CHST11: variants seen among roughly 807,000 people sequenced by gnomAD.
The protein encoded by CHST11 is carbohydrate sulfotransferase 11, also known as C4S-1.
In CHST11, 9 loss-of-function variants were observed where a neutral mutation model predicts 30.4. That is an observed-to-expected ratio of 0.30 (90% confidence interval 0.18 to 0.52). The LOEUF is 0.52. Ranked by LOEUF, CHST11 falls within the 20% of genes least tolerant of loss-of-function variation. The pLI is 0.97. For synonymous variants in CHST11, 152 were observed against 187.8 expected (o/e 0.81, Z 1.56); for missense variants, 348 against 460.6 (o/e 0.76, Z 2.24).
At chr12:104,710,496 C>T (rs2040078162) in intron 2 of CHST11, among the ~76,000 whole-genome samples, 1 of 152,154 alleles carries the variant, frequency 6.6e-6, no homozygotes, top group African/African-American at 2.4e-5. Flanking sequence ...GGAAATCCAT[C>T]CTATACCCTT....
At chr12:104,621,917 A>G (rs1042518156) in intron 2 of CHST11, among the ~76,000 whole-genome samples, 9 of 152,222 alleles carry the variant, frequency 5.9e-5, no homozygotes, top group Admixed American at 1.3e-4. Context: ...GACATCAGGT[A>G]AGCAGTCCGG....
chr12:104,658,943 A>G (rs949840522), intron 2 of CHST11, among the ~76,000 whole-genome samples: 1 of 152,254 alleles, frequency 6.6e-6, no homozygotes, highest in African/African-American at 2.4e-5. Context: ...TGAAGCTGGG[A>G]TTTGAACCCA....
intron 2 of CHST11, among the ~76,000 whole-genome samples, chr12:104,707,587 T>C (rs2040047005): frequency 6.6e-6 from 1 of 152,178 alleles, no homozygotes; most frequent in African/African-American, 2.4e-5. Context: ...ACTGTAAACC[T>C]AGTCGCATAA....
chr12:104,650,957 G>T (rs2039484467), intron 2 of CHST11, among the ~76,000 whole-genome samples: 1 of 152,208 alleles, frequency 6.6e-6, no homozygotes, highest in Admixed American at 6.5e-5. Context: ...GCTTCATGAG[G>T]TTGTTGCAAG....
At position 104,484,729 on chromosome 12, in the gene CHST11, C is replaced by T. The variant is rs139860456; in HGVS notation, c.118+27200C>T. The stretch of plus-strand genomic sequence containing the variant: ...ACAGGTACCTATTTAGTAACAATGG[C>T]GTTAAGTTATACAAAAGAGAAGGAC... On this transcript the variant is annotated intron_variant, in intron 1 of 2. Transcript: ENST00000303694. Among the ~76,000 whole-genome samples the T allele has an allele frequency of 1.6e-4, 24 of 152,198 alleles. No individual in the cohort carries two copies. The East Asian group carries it at 3.1e-3, about 20-fold the overall frequency.
intron 1 of CHST11, among the ~76,000 whole-genome samples, chr12:104,596,544 C>T (rs1250657385): frequency 6.6e-6 from 1 of 150,536 alleles, no homozygotes; most frequent in Admixed American, 6.7e-5. Context: ...AGCACCAGTG[C>T]TGGAAATAAA....
intron 1 of CHST11, among the ~76,000 whole-genome samples, chr12:104,549,548 T>TA (rs1229690266): frequency 2.0e-5 from 3 of 152,124 alleles, no homozygotes; most frequent in Admixed American, 1.3e-4. Context: ...TTCCACCTCC[T>TA]AAGAGGTCCA....
At chr12:104,687,350 A>G (rs936044427) in intron 2 of CHST11, among the ~76,000 whole-genome samples, 2 of 152,278 alleles carry the variant, frequency 1.3e-5, no homozygotes, top group Admixed American at 6.5e-5. Context: ...ATCCTGGACA[A>G]TACAGCAATA....
intron 1 of CHST11, among the ~76,000 whole-genome samples, chr12:104,537,147 A>G (rs1357199641): frequency 6.6e-6 from 1 of 152,256 alleles, no homozygotes; most frequent in Admixed American, 6.5e-5. Context: ...GGTTTCCATT[A>G]TCATGTCACT....
chr12:104,645,938 G>A (rs1055385197), intron 2 of CHST11, among the ~76,000 whole-genome samples: 2 of 152,130 alleles, frequency 1.3e-5, no homozygotes, highest in Admixed American at 6.5e-5. Flanking sequence ...TCGTCATCAT[G>A]GTGGCTTCAG....
intron 1 of CHST11, among the ~76,000 whole-genome samples, chr12:104,523,550 C>G (rs973934545): frequency 6.6e-6 from 1 of 152,204 alleles, no homozygotes; most frequent in Non-Finnish European, 1.5e-5. Context: ...GATTCTGTGA[C>G]CTTCAGCAAG....
At chr12:104,515,668 A>T (rs1018048298) in intron 1 of CHST11, among the ~76,000 whole-genome samples, 2 of 152,112 alleles carry the variant, frequency 1.3e-5, no homozygotes, top group African/African-American at 2.4e-5. Flanking sequence ...ATAATACACA[A>T]ATAAAAACTC....
At chr12:104,602,086 A>C in intron 2 of CHST11, 95 bp downstream of exon 2, 1 of 832,976 alleles carries the variant, frequency 1.2e-6, no homozygotes, top group East Asian at 2.6e-5. Flanking sequence ...GGGATTTAAA[A>C]CTTCCTTTCA....
Position 104,753,787 on chromosome 12 carries a change from G to T in CHST11, c.205-3162G>T, listed in dbSNP as rs572773370. Among the ~76,000 whole-genome samples the T allele has an allele frequency of 7.2e-5, 11 of 152,362 alleles. No individual in the cohort carries two copies. In the East Asian group the frequency reaches 2.1e-3, roughly 29 times the overall value. On this transcript the variant is annotated intron_variant, in intron 2 of 2. Transcript: ENST00000303694. ...ACTGCCTCTTTCTACAGGCAAGGCA[G>T]GGGCAGCCTAGAGAGGGAGGAAAGG...
At chr12:104,657,207 C>T (rs1168382644) in intron 2 of CHST11, among the ~76,000 whole-genome samples, 1 of 152,190 alleles carries the variant, frequency 6.6e-6, no homozygotes, top group Admixed American at 6.5e-5. Context: ...CATCTTCAAT[C>T]CACTATTTGC....
At chr12:104,698,611 T>A (rs1337881305) in intron 2 of CHST11, among the ~76,000 whole-genome samples, 1 of 152,222 alleles carries the variant, frequency 6.6e-6, no homozygotes, top group Non-Finnish European at 1.5e-5. Flanking sequence ...TATTGGTGAA[T>A]GTCTCCTGAC....
chr12:104,709,838 T>C (rs1170157066), intron 2 of CHST11, among the ~76,000 whole-genome samples: 1 of 152,168 alleles, frequency 6.6e-6, no homozygotes, highest in Non-Finnish European at 1.5e-5. Flanking sequence ...CTGAAAACCA[T>C]TGAATAATGT....
intron 1 of CHST11, among the ~76,000 whole-genome samples, chr12:104,597,519 C>T (rs534818248): frequency 6.6e-6 from 1 of 152,248 alleles, no homozygotes; most frequent in East Asian, 1.9e-4. Flanking sequence ...GCAGTTTTCT[C>T]CTTATATAGC....
At chr12:104,722,101 C>G (rs967229542) in intron 2 of CHST11, among the ~76,000 whole-genome samples, 2 of 151,700 alleles carry the variant, frequency 1.3e-5, no homozygotes, top group African/African-American at 2.4e-5. Flanking sequence ...CCATCCGCTC[C>G]CCTCAGTCCC....
Sources: allele counts gnomAD v4.1 joint callset (sites outside exome capture counted in the v4.1 genomes callset), GRCh38; gene constraint gnomAD v4.1.1; transcripts MANE v1.5; gene names NCBI Gene and HGNC (gene_info 2026-07-23, HGNC 2026-07-21).